The following ABCA3 variants were observed in gnomAD, a reference collection of about 807,000 sequenced individuals.
ABCA3 encodes the protein ATP binding cassette subfamily A member 3.
In ABCA3, 88 loss-of-function variants were observed where a neutral mutation model predicts 172.8. The ratio of observed to expected loss-of-function variants is 0.51; its 90% CI spans 0.43 to 0.61. The LOEUF (loss-of-function observed/expected upper bound fraction) is 0.61. Among genes scored for constraint, ABCA3 ranks in the 20% least tolerant of loss-of-function variants. The pLI is 0.00. For synonymous variants in ABCA3, 1,066 were observed against 983.8 expected (o/e 1.08, Z -1.56); for missense variants, 2,164 against 2,301.0 (o/e 0.94, Z 1.22).
At chr16:2,280,049 A>G (rs539105915) in intron 28 of ABCA3, among the ~76,000 whole-genome samples, 10 of 152,312 alleles carry the variant, frequency 6.6e-5, no homozygotes, top group Admixed American at 5.2e-4. Flanking sequence ...CTCCCAGCCC[A>G]GAATCTGTTT....
intron 1 of ABCA3, among the ~76,000 whole-genome samples, chr16:2,338,751 CTTTTTTT>C (rs34719364): frequency 1.6e-4 from 20 of 121,600 alleles, no homozygotes; most frequent in African/African-American, 5.3e-4. Flanking sequence ...TCCAATTCAT[CTTTTTTT>C]TTTTTTTTTT....
intron 1 of ABCA3, among the ~76,000 whole-genome samples, chr16:2,337,548 A>AT (rs544223399): frequency 0.15 from 19,190 of 125,196 alleles, 4,108 homozygotes; most frequent in African/African-American, 0.48. Context: ...TAATTGTTTG[A>AT]TTTTTTTTTT....
At chr16:2,320,038 A>C (rs323064) in intron 7 of ABCA3, among the ~76,000 whole-genome samples, 198 bp from the exon 8 acceptor site, 1 of 152,094 alleles carries the variant, frequency 6.6e-6, no homozygotes, top group South Asian at 2.1e-4. Context: ...ATGAGAAGAG[A>C]GATGTGATTG....
intron 6 of ABCA3, among the ~76,000 whole-genome samples, chr16:2,323,964 C>A (rs1461105177): frequency 6.6e-6 from 1 of 152,172 alleles, no homozygotes; most frequent in African/African-American, 2.4e-5. Flanking sequence ...CCCTGGAGGG[C>A]CGCCAACCAC....
At chr16:2,280,957 C>T in intron 28 of ABCA3, 70 bp downstream of exon 28, 1 of 1,599,346 alleles carries the variant, frequency 6.3e-7, no homozygotes, top group Non-Finnish European at 8.6e-7. Context: ...ATCCCTCTGT[C>T]CCTGCCTCCA....
chr16:2,305,835 G>A (rs1355261607), intron 11 of ABCA3, among the ~76,000 whole-genome samples: 1 of 152,098 alleles, frequency 6.6e-6, no homozygotes, highest in Admixed American at 6.6e-5. Flanking sequence ...TCGGCCATAA[G>A]TCTTTTTTAA....
At chr16:2,316,174 G>A (rs1361105635) in intron 10 of ABCA3, among the ~76,000 whole-genome samples, 1 of 146,672 alleles carries the variant, frequency 6.8e-6, no homozygotes, top group East Asian at 2.1e-4. Context: ...TAGGTGTGGT[G>A]GCAGGTAACG....
In ABCA3 at chr16:2,288,167, T is replaced by C; in HGVS notation, c.2863A>G (p.Met955Val). 6.2e-7 allele frequency: 1 copy of C among 1,609,408 alleles called. No individual in the cohort carries two copies. Among genetic ancestry groups the C allele is most frequent in the Non-Finnish European group, 8.5e-7 (1 of 1,177,860 alleles). Residue 955 changes from methionine to valine, a missense_variant, in exon 21 of 33, where the codon ATG becomes GTG. Transcript: ENST00000301732. ...NYSSELFDDP[M>V]LRLTLGEYGR... ...TACTCGCCCAAGGTCAGCCTCAGCA[T>C]GGGGTCGTCGAAGAGCTCCGAGGAG...
At chr16:2,293,288 T>C (rs968128344) in intron 18 of ABCA3, among the ~76,000 whole-genome samples, 2 of 151,392 alleles carry the variant, frequency 1.3e-5, no homozygotes, top group Non-Finnish European at 2.9e-5. Context: ...CCTGACCCTG[T>C]GATCCACCTG....
At position 2,324,394 on chromosome 16, in the gene ABCA3, C is replaced by T. The variant is rs1200533339; in HGVS notation, c.447+10G>A. Reference sequence around the variant, plus strand: ...GGGCTGTGACTGCTCGGCCCGGCCGCACGTCTCACCGCCAGCGGCAGGGGC... The same window carrying T: ...GGGCTGTGACTGCTCGGCCCGGCCGTACGTCTCACCGCCAGCGGCAGGGGC... On this transcript the variant is annotated intron_variant, in intron 6 of 32. Transcript: ENST00000301732. 1.3e-6 allele frequency: 2 copies of T among 1,588,704 alleles called. No individual in the cohort carries two copies. Among genetic ancestry groups the T allele is most frequent in the Non-Finnish European group, 1.7e-6 (2 of 1,173,228 alleles).
rs199840288 is a variant in ABCA3 at position 2,326,052 on chromosome 16, C to T, written c.277G>A (p.Val93Ile). The T allele has an allele frequency of 1.0e-4, 169 of 1,614,044 alleles. No homozygotes were observed. The East Asian group carries it at 1.5e-3, about 14-fold the overall frequency. ...AGTGCCCTGCGCACTGTCTCAGTGA[C>T]GGTCTTGGCAGCGTCACTGTGAGAA... is the stretch of plus-strand genomic sequence containing the variant. ...IPSHSDAAKT[V>I]TETVRRALVI... Residue 93 changes from valine to isoleucine, a missense_variant, in exon 5 of 33, where the codon GTC becomes ATC. By Grantham distance (29) the Val-to-Ile change is conservative. This residue lies in a region of ABCA3 where 1,343 missense variants were observed against 1,369.6 expected (regional missense o/e 0.98). Transcript: ENST00000301732.
rs2093649136 is a variant in ABCA3, at chr16:2,277,937, A to C, written c.4851T>G (p.Ser1617Arg). ...SGYSLRAKVQ[S>R]EGQQEALEEF... The stretch of plus-strand genomic sequence containing the variant: ...CCTCCAGCGCCTCCTGTTGCCCTTC[A>C]CTCTGCACCTTGGCCCGCAGGGAGT... Residue 1617 changes from serine (S) to arginine (R), a missense_variant, in exon 31 of 33, where the codon AGT becomes AGG. Transcript: ENST00000301732. The surrounding 1 kb of genome is among the most constrained non-coding windows in gnomAD (Gnocchi z 5.3). 1 of 1,611,598 alleles carries C rather than the reference A, an allele frequency of 6.2e-7. No individual in the cohort carries two copies. The highest frequency in any genetic ancestry group is 1.3e-5 in the African/African-American group (1 of 74,830).
At chr16:2,323,885 G>C (rs1051962589) in intron 6 of ABCA3, among the ~76,000 whole-genome samples, 197 bp from the exon 7 acceptor site, 1 of 152,048 alleles carries the variant, frequency 6.6e-6, no homozygotes, top group Non-Finnish European at 1.5e-5. Flanking sequence ...GCCACACAGG[G>C]GCCCCTTTTG....
At chr16:2,333,170 G>A (rs1167972468) in intron 1 of ABCA3, among the ~76,000 whole-genome samples, 1 of 152,152 alleles carries the variant, frequency 6.6e-6, no homozygotes, top group Admixed American at 6.5e-5. Flanking sequence ...GGTCCCTGGG[G>A]GTGGTGGGTC....
chr16:2,339,710 G>C (rs923419422), intron 1 of ABCA3, among the ~76,000 whole-genome samples: 3 of 152,204 alleles, frequency 2.0e-5, no homozygotes, highest in African/African-American at 7.2e-5. Context: ...TCCAATCGAC[G>C]CCTTCCCGGA....
chr16:2,301,789 G>A (rs898568170), intron 12 of ABCA3, among the ~76,000 whole-genome samples: 45 of 152,118 alleles, frequency 3.0e-4, no homozygotes, highest in African/African-American at 1.1e-3. Context: ...TGGGCCCACA[G>A]AATGGAACAC....
intron 3 of ABCA3, among the ~76,000 whole-genome samples, chr16:2,327,139 G>C (rs1213344905): frequency 6.6e-6 from 1 of 152,118 alleles, no homozygotes; most frequent in African/African-American, 2.4e-5. Flanking sequence ...TTTTGAGACA[G>C]GGTCCTGCTC....
intron 2 of ABCA3, among the ~76,000 whole-genome samples, chr16:2,329,183 C>T (rs1029358259): frequency 6.6e-6 from 1 of 152,018 alleles, no homozygotes; most frequent in African/African-American, 2.4e-5. Context: ...GTATGAAGTG[C>T]TATTAAGGGG....
intron 10 of ABCA3, among the ~76,000 whole-genome samples, chr16:2,310,155 C>T (rs1301661058): frequency 6.6e-6 from 1 of 152,080 alleles, no homozygotes; most frequent in Admixed American, 6.6e-5. Context: ...CCTGTAATCC[C>T]AGCACTTTGG....
Sources: allele counts gnomAD v4.1 joint callset (sites outside exome capture counted in the v4.1 genomes callset), GRCh38; gene constraint gnomAD v4.1.1; regional missense constraint gnomAD v4.1.1; non-coding constraint Gnocchi (gnomAD v3.1); transcripts MANE v1.5; gene names NCBI Gene and HGNC (gene_info 2026-07-23, HGNC 2026-07-21).